MAGI1: variants seen among roughly 807,000 people sequenced by gnomAD.
MAGI1 encodes the protein membrane-associated guanylate kinase, WW and PDZ domain-containing protein 1.
A neutral mutation model predicts 139.9 loss-of-function variants in MAGI1; 58 were observed. The ratio of observed to expected loss-of-function variants is 0.41; its 90% confidence interval spans 0.34 to 0.52. The LOEUF (loss-of-function observed/expected upper bound fraction) is 0.52, where lower values mean the gene tolerates loss of function less well. Among genes scored for constraint, MAGI1 ranks in the 20% least tolerant of loss-of-function variants. MAGI1 has a pLI of 0.12. For synonymous variants in MAGI1, 812 were observed against 737.9 expected, an observed-to-expected ratio of 1.10 and a Z score of -1.63; for missense variants, 1,874 against 1,901.6, an observed-to-expected ratio of 0.99 and a Z score of 0.27.
intron 2 of MAGI1, among the ~76,000 whole-genome samples, chr3:65,610,742 G>GTATATACTATATACTCTCTCTCTATATA (rs11276480): frequency 1.6e-5 from 2 of 121,318 alleles, no homozygotes; most frequent in East Asian, 2.2e-4. Context: ...ATAGTATATA[G>GTATATACTATATACTCTCTCTCTATATA]TATATATACA....
chr3:65,827,739 C>T (rs2042304286), intron 1 of MAGI1, among the ~76,000 whole-genome samples: 1 of 152,184 alleles, frequency 6.6e-6, no homozygotes, highest in African/African-American at 2.4e-5. Context: ...GAAGAAGCTG[C>T]ATAATGTTAT....
rs561094018 is a variant in MAGI1, at chr3:65,613,909, G to C, written c.430+8063C>G. On this transcript the variant is annotated intron_variant, in intron 2 of 22. Transcript: ENST00000402939. ...AAGAGAAACTGAAAAGAGTGTTTGG[G>C]AAGTCATGCTAGAAAGGGAAGGGAA... Among the ~76,000 whole-genome samples the C allele has an allele frequency of 2.2e-4, 33 of 152,242 alleles. 1 individual carries two copies. The highest frequency in any genetic ancestry group is 1.5e-3 in the South Asian group (7 of 4,816).
intron 2 of MAGI1, among the ~76,000 whole-genome samples, chr3:65,548,862 G>A (rs914218818): frequency 5.3e-5 from 8 of 152,294 alleles, no homozygotes; most frequent in Non-Finnish European, 7.4e-5. Flanking sequence ...GGCTACTGGA[G>A]GGGTGGGGTG....
chr3:65,714,336 A>T (rs1031483672), intron 1 of MAGI1, among the ~76,000 whole-genome samples: 7 of 152,036 alleles, frequency 4.6e-5, no homozygotes, highest in Admixed American at 6.6e-5. Context: ...CGCAGTGAAC[A>T]ATCTTGAGAG....
chr3:65,545,974 TCACACACACACACACACA>T, intron 2 of MAGI1, among the ~76,000 whole-genome samples: 1 of 146,024 alleles, frequency 6.8e-6, no homozygotes, highest in African/African-American at 2.6e-5. Flanking sequence ...GGGTATGATC[TCACACACACACACACACA>T]CGCACACACA....
chr3:65,649,497 G>GT (rs2085464358), intron 1 of MAGI1, among the ~76,000 whole-genome samples: 2 of 152,094 alleles, frequency 1.3e-5, no homozygotes, highest in South Asian at 4.1e-4. Flanking sequence ...ATAATGAACT[G>GT]GGCATTATGA....
intron 2 of MAGI1, among the ~76,000 whole-genome samples, chr3:65,578,780 G>T (rs1445887087): frequency 6.6e-6 from 1 of 152,068 alleles, no homozygotes; most frequent in African/African-American, 2.4e-5. Flanking sequence ...AACTAGCGGG[G>T]CGTGGTGGCA....
At chr3:65,877,688 T>A (rs2060168988) in intron 1 of MAGI1, among the ~76,000 whole-genome samples, 1 of 152,194 alleles carries the variant, frequency 6.6e-6, no homozygotes, top group Admixed American at 6.5e-5. Context: ...CCCAAGTGGC[T>A]GGGATTACAG....
chr3:65,813,528 A>C (rs1202126441), intron 1 of MAGI1, among the ~76,000 whole-genome samples: 2 of 152,202 alleles, frequency 1.3e-5, no homozygotes, highest in Non-Finnish European at 2.9e-5. Context: ...TATATACTAC[A>C]TAGTAATGGT....
chr3:65,826,123 C>T (rs2042216574), intron 1 of MAGI1, among the ~76,000 whole-genome samples: 2 of 151,748 alleles, frequency 1.3e-5, no homozygotes, highest in African/African-American at 2.4e-5. Context: ...TACACATATA[C>T]ATGCATGGAA....
At chr3:65,984,838 C>T (rs1241071262) in intron 1 of MAGI1, among the ~76,000 whole-genome samples, 1 of 151,772 alleles carries the variant, frequency 6.6e-6, no homozygotes, top group East Asian at 1.9e-4. Context: ...TGTGAACCAC[C>T]ATGCCTGGCA....
At chr3:65,708,372 G>A (rs112027838) in intron 1 of MAGI1, among the ~76,000 whole-genome samples, 1 of 109,630 alleles carries the variant, frequency 9.1e-6, no homozygotes, top group East Asian at 3.0e-4. Context: ...TGTGCCTGAG[G>A]AAGAGAGACA....
At chr3:65,598,623 T>C (rs1576436708) in intron 2 of MAGI1, among the ~76,000 whole-genome samples, 4 of 152,352 alleles carry the variant, frequency 2.6e-5, no homozygotes, top group Admixed American at 6.5e-5. Flanking sequence ...TTTCAAGGAA[T>C]TGACACTTCA....
At chr3:65,374,313 C>CTTTTTTTTTTTTTTTTTTTTTTT (rs3072933) in intron 18 of MAGI1, among the ~76,000 whole-genome samples, 1 of 95,054 alleles carries the variant, frequency 1.1e-5, no homozygotes, top group Non-Finnish European at 1.9e-5. Context: ...ATCAACTTAA[C>CTTTTTTTTTTTTTTTTTTTTTTT]TTTTTTTTTT....
chr3:65,362,197 A>T (rs1940938655), intron 21 of MAGI1, among the ~76,000 whole-genome samples: 2 of 152,128 alleles, frequency 1.3e-5, no homozygotes, highest in Admixed American at 1.3e-4. Flanking sequence ...TGATAATACC[A>T]CTCACACCTA....
In MAGI1 at chr3:65,420,846, A is replaced by C. The variant is rs181000472; in HGVS notation, c.2167+8674T>G. ...ACTCAATGCATTAAGTTTACCTTCA[A>C]GGAGAATGAGACATTGCTTTGTAGA... On this transcript the variant is annotated intron_variant, in intron 12 of 22. Transcript: ENST00000402939. Among the ~76,000 whole-genome samples the C allele has an allele frequency of 3.7e-3, 560 of 152,340 alleles. 3 individuals are homozygous for C. The highest frequency in any genetic ancestry group is 0.017 in the Middle Eastern group (5 of 294).
intron 1 of MAGI1, among the ~76,000 whole-genome samples, chr3:65,725,069 G>A (rs1176637077): frequency 6.6e-6 from 1 of 152,116 alleles, no homozygotes; most frequent in Non-Finnish European, 1.5e-5. Context: ...CAACACCCAG[G>A]ATTTGAGTCA....
Position 65,356,678 on chromosome 3 carries a change from T to A in MAGI1, c.4089A>T (p.Arg1363Ser). The A allele has an allele frequency of 6.3e-7, 1 of 1,585,996 alleles. No individual in the cohort carries two copies. Among genetic ancestry groups the A allele is most frequent in the African/African-American group, 1.4e-5 (1 of 73,856 alleles). ...GTCTCCGCCGGCTGGGGGAGCCGTCTCTCCTGCGGGTGGGTGACCGCTCTC... is the reference window on the plus strand; with the variant it reads ...GTCTCCGCCGGCTGGGGGAGCCGTCACTCCTGCGGGTGGGTGACCGCTCTC... The part of the protein sequence containing the change: ...RRRERSPTRR[R>S]DGSPSRRRRS... The change falls in exon 23 of 23, where the codon AGA becomes AGT. Residue 1363 changes from arginine to serine, a missense_variant. Transcript: ENST00000402939.
At chr3:65,686,208 C>G (rs1157214364) in intron 1 of MAGI1, among the ~76,000 whole-genome samples, 1 of 152,116 alleles carries the variant, frequency 6.6e-6, no homozygotes, top group African/African-American at 2.4e-5. Context: ...ATGGCCTGTT[C>G]CCATTCATTG....
Sources: gnomAD v4.1 joint callset for allele counts (sites outside exome capture counted in the v4.1 genomes callset) on GRCh38, gnomAD v4.1.1 for gene constraint, MANE v1.5 for transcripts, NCBI Gene and HGNC (gene_info 2026-07-23, HGNC 2026-07-21) for gene names.